Variants in PPP1R21 observed in about 807,000 individuals in gnomAD.
PPP1R21 encodes the protein KLRAQ motif containing 1.
PPP1R21 carries 85 observed loss-of-function variants against 112.8 expected under a neutral mutation model. That is an observed-to-expected ratio of 0.75 (90% CI 0.63 to 0.90). PPP1R21 has a LOEUF of 0.90. Ranked by LOEUF, PPP1R21 falls within the 40% of genes least tolerant of loss-of-function variation. PPP1R21 has a pLI of 0.00. For synonymous variants in PPP1R21, 381 were observed against 322.3 expected, an observed-to-expected ratio of 1.18 and a Z score of -1.95; for missense variants, 1,199 against 901.5, an observed-to-expected ratio of 1.33 and a Z score of -4.23.
At chr2:48,458,031 G>A in intron 3 of PPP1R21, 95 bp from the exon 4 acceptor site, 1 of 820,558 alleles carries the variant, frequency 1.2e-6, no homozygotes, top group Non-Finnish European at 2.1e-6. Flanking sequence ...ACACATAGAA[G>A]AGACAAGCTT....
At position 48,469,502 on chromosome 2, in the gene PPP1R21, T is replaced by TAG. The variant is rs200928720; in HGVS notation, c.898-1584_898-1583insGA. Among the ~76,000 whole-genome samples, 6 of 43,444 alleles carry TAG rather than the reference T, an allele frequency of 1.4e-4. 1 individual carries two copies. Among genetic ancestry groups the TAG allele is most frequent in the East Asian group, 6.3e-4 (2 of 3,170 alleles). The allele number at this position is 43,444 out of a possible 152,430, so 28.5% of individuals were successfully genotyped here. On this transcript the variant is annotated intron_variant, in intron 9 of 21. Coordinates refer to ENST00000294952, the MANE Select transcript of PPP1R21 (RefSeq NM_001135629.3). ...TATATATAGAGCATATATATATATA[T>TAG]ATAGAGCATATATATATATATATAT... is the stretch of plus-strand genomic sequence containing the variant.
intron 9 of PPP1R21, among the ~76,000 whole-genome samples, chr2:48,468,792 G>A (rs1413856842): frequency 6.6e-6 from 1 of 151,910 alleles, no homozygotes; most frequent in Non-Finnish European, 1.5e-5. Context: ...TCCAGCTTGG[G>A]CAACAGAGTG....
At chr2:48,479,683 TAAC>T (rs1363039299) in intron 12 of PPP1R21, 5 of 611,700 alleles carry the variant, frequency 8.2e-6, no homozygotes, top group Non-Finnish European at 1.5e-5. Context: ...TAATCCTGCT[TAAC>T]AACTGAATTT....
rs373112889 is a variant in PPP1R21 at position 48,465,538 on chromosome 2, G to A, written c.793G>A (p.Asp265Asn). 1 of 1,613,902 alleles carries A rather than the reference G, an allele frequency of 6.2e-7. No individual in the cohort carries two copies. Among genetic ancestry groups the A allele is most frequent in the East Asian group, 2.2e-5 (1 of 44,866 alleles). ...TGGGCAGGCCCTGGCTTTTGTTCAG[G>A]ATCTTGTGACGGCTCTTCTAAACTT... is the stretch of plus-strand genomic sequence containing the variant. ...IAGQALAFVQ[D>N]LVTALLNFHT... is the part of the protein sequence containing the mutation. Residue 265 changes from aspartate to asparagine, a missense_variant, in exon 9 of 22, where the codon GAT (aspartate) becomes AAT (asparagine). By Grantham distance (23) the Asp-to-Asn change is conservative. Coordinates refer to ENST00000294952, the MANE Select transcript of PPP1R21 (RefSeq NM_001135629.3).
At position 48,459,870 on chromosome 2, in the gene PPP1R21, G is replaced by A; in HGVS notation, c.492G>A (p.Lys164=). 1.2e-6 allele frequency: 2 copies of A among 1,614,212 alleles called. No homozygotes were observed. The highest frequency in any genetic ancestry group is 1.7e-6 in the Non-Finnish European group (2 of 1,180,036). Residue 164 remains lysine (K), a synonymous_variant, in exon 5 of 22, where the codon AAG becomes AAA. Coordinates refer to ENST00000294952, the MANE Select transcript of PPP1R21 (RefSeq NM_001135629.3). ...CTGTGGTTGACGGTCTCACCCGGAAGTACATGGAAACCATTGAGAAGCTGC... is the reference window on the plus strand; with the variant it reads ...CTGTGGTTGACGGTCTCACCCGGAAATACATGGAAACCATTGAGAAGCTGC... ...HQAVVDGLTR[K]YMETIEKLQN... is the part of the protein sequence containing the mutation.
In PPP1R21 at chr2:48,469,301, A is replaced by G. The variant is rs987565534; in HGVS notation, c.898-1786A>G. Among the ~76,000 whole-genome samples, 360 of 105,034 alleles carry G rather than the reference A, an allele frequency of 3.4e-3. 15 individuals carry two copies. The highest frequency in any genetic ancestry group is 6.3e-3 in the African/African-American group (152 of 23,992). 68.9% of individuals were successfully genotyped at this position (105,034 alleles called of 152,430 possible). ...TGTGTGTGTGTGTGTGTGTGTATGT[A>G]TATATATACACACACACACATATAT... is the stretch of plus-strand genomic sequence containing the variant. On this transcript the variant is annotated intron_variant, in intron 9 of 21. Transcript: ENST00000294952.
In PPP1R21 at chr2:48,498,723, G is replaced by C. The variant is rs774041318; in HGVS notation, c.1923G>C (p.Gln641His). The C allele has an allele frequency of 1.2e-6, 2 of 1,614,164 alleles. No individual in the cohort carries two copies. The highest frequency in any genetic ancestry group is 4.5e-5 in the East Asian group (2 of 44,878). Reference sequence around the variant, plus strand: ...CTAAGGCTGTGTTGGAGCCCATTCAGAGCACCAGTCTAGTAAGTGTCTTCT... The same window carrying C: ...CTAAGGCTGTGTTGGAGCCCATTCACAGCACCAGTCTAGTAAGTGTCTTCT... ...ATAKAVLEPIQSTSLIGTLTR... is the reference protein window; with the variant it reads ...ATAKAVLEPIHSTSLIGTLTR... The change falls in exon 17 of 22, where the codon CAG (glutamine) becomes CAC (histidine). Residue 641 changes from glutamine (Q) to histidine (H), a missense_variant. By Grantham distance (24) the Gln-to-His change is conservative. Transcript: ENST00000294952.
At chr2:48,476,208 GTA>G (rs1668748714) in intron 12 of PPP1R21, among the ~76,000 whole-genome samples, 1 of 152,126 alleles carries the variant, frequency 6.6e-6, no homozygotes, top group Admixed American at 6.5e-5. Context: ...GAATAATATG[GTA>G]TGTGGTCTTT....
rs371337442 is a variant in PPP1R21 at position 48,465,042 on chromosome 2, C to G, written c.747+53C>G. ...TTCAGTTATATATACATCAGACTTT[C>G]CAGAAACAAGAATTAGTTGTGTTTG... is the stretch of plus-strand genomic sequence containing the variant. On this transcript the variant is annotated intron_variant, in intron 8 of 21. Transcript: ENST00000294952. 3.6e-6 allele frequency: 5 copies of G among 1,404,702 alleles called. No individual in the cohort carries two copies. In the African/African-American group the frequency reaches 4.5e-5, roughly 13 times the overall value. The allele number at this position is 1,404,702 out of a possible 1,614,324, so 87.0% of individuals were successfully genotyped here.
intron 19 of PPP1R21, among the ~76,000 whole-genome samples, chr2:48,508,275 C>G (rs1435565252): frequency 6.6e-6 from 1 of 152,048 alleles, no homozygotes; most frequent in Admixed American, 6.6e-5. Context: ...ATTAAAAAGT[C>G]AGTTATGGAT....
At chr2:48,510,583 C>T (rs941877991) in intron 20 of PPP1R21, among the ~76,000 whole-genome samples, 3 of 152,232 alleles carry the variant, frequency 2.0e-5, no homozygotes, top group Admixed American at 6.5e-5. Flanking sequence ...GGAAAAAACA[C>T]AGCACTACAG....
intron 1 of PPP1R21, among the ~76,000 whole-genome samples, chr2:48,449,828 T>C (rs1020987978): frequency 6.6e-6 from 1 of 152,070 alleles, no homozygotes; most frequent in African/African-American, 2.4e-5. Flanking sequence ...GAGAAGAACC[T>C]GGTCTTTCAT....
rs745866100 is a variant in PPP1R21, at chr2:48,469,261, T to TTGTGTGTGTGTG, written c.898-1802_898-1791dup. Among the ~76,000 whole-genome samples the TTGTGTGTGTGTG allele has an allele frequency of 1.7e-3, 80 of 46,228 alleles. 1 individual carries two copies. The highest frequency in any genetic ancestry group is 2.9e-3 in the Non-Finnish European group (63 of 21,656). 30.3% of individuals were successfully genotyped at this position (46,228 alleles called of 152,430 possible). ...GCCAAACCATATCAATATATTTGAATTGTGTGTGTGTGTGTGTGTGTGTGT... is the reference window on the plus strand; with the variant it reads ...GCCAAACCATATCAATATATTTGAATTGTGTGTGTGTGTGTGTGTGTGTGTGTGTGTGTGTGT... On this transcript the variant is annotated intron_variant, in intron 9 of 21. Transcript: ENST00000294952.
chr2:48,486,717 A>G lies in PPP1R21; in HGVS notation c.1405A>G (p.Ile469Val), dbSNP rs746239216. 2.5e-6 allele frequency: 4 copies of G among 1,613,970 alleles called. No homozygotes were observed. Among genetic ancestry groups the G allele is most frequent in the African/African-American group, 2.7e-5 (2 of 74,932 alleles). The part of the protein sequence containing the change: ...TQKLITTNDC[I>V]LSSVVALTNG... ...GAAGCTGATAACAACTAATGACTGT[A>G]TCCTGTCATCAGTAGTGGCATTAAC... Residue 469 changes from isoleucine to valine, a missense_variant, in exon 14 of 22, where the codon ATC becomes GTC. Physicochemically the swap from Ile to Val is conservative, Grantham distance 29 (BLOSUM62 3). Transcript: ENST00000294952.
chr2:48,464,967 C>A lies in PPP1R21; in HGVS notation c.725C>A (p.Pro242Gln). The A allele has an allele frequency of 6.4e-7, 1 of 1,559,330 alleles. No homozygotes were observed. Among genetic ancestry groups the A allele is most frequent in the Non-Finnish European group, 8.6e-7 (1 of 1,162,842 alleles). Residue 242 changes from proline to glutamine, a missense_variant, in exon 8 of 22, where the codon CCA (proline) becomes CAA (glutamine). Pro to Gln is a moderately conservative substitution (Grantham distance 76). Coordinates refer to ENST00000294952, the MANE Select transcript of PPP1R21 (RefSeq NM_001135629.3). ...KYSQYNALNVPLHNRRHQLKM... is the reference protein window; with the variant it reads ...KYSQYNALNVQLHNRRHQLKM... ...AGTCAGTACAACGCTCTGAACGTTC[C>A]ACTCCACAATAGGAGACACCAGGTA...
chr2:48,513,254 GAGTGC>G (rs760064409), intron 21 of PPP1R21, among the ~76,000 whole-genome samples: 1 of 151,864 alleles, frequency 6.6e-6, no homozygotes, highest in Non-Finnish European at 1.5e-5. Flanking sequence ...ACCCAGGCTG[GAGTGC>G]AGTGGTGAGA....
In PPP1R21 at chr2:48,505,657, A is replaced by G. The variant is rs376075636; in HGVS notation, c.1968+61A>G. ...AATATCTGGCAGCATGTTTGTTGAC[A>G]AAGTCCTGCAAAAGCCATCTTTGTC... On this transcript the variant is annotated intron_variant, in intron 18 of 21. Transcript: ENST00000294952. The G allele has an allele frequency of 1.1e-5, 15 of 1,341,426 alleles. No homozygotes were observed. The African/African-American group carries it at 2.0e-4, about 18-fold the overall frequency. The allele number at this position is 1,341,426 out of a possible 1,614,324, so 83.1% of individuals were successfully genotyped here. A position where few individuals can be genotyped will look rare whatever the true frequency, so the allele number is the denominator to read the frequency against.
intron 17 of PPP1R21, among the ~76,000 whole-genome samples, chr2:48,499,381 G>T (rs948365749): frequency 6.6e-6 from 1 of 152,106 alleles, no homozygotes. Flanking sequence ...GTAATATGGG[G>T]TTATTATGTT....
chr2:48,465,105 G>A, intron 8 of PPP1R21, 116 bp downstream of exon 8: 1 of 776,570 alleles, frequency 1.3e-6, no homozygotes, highest in Admixed American at 3.2e-5. Context: ...GCATTTAACT[G>A]TTGCTTTACG....
Sources: allele counts gnomAD v4.1 joint callset (sites outside exome capture counted in the v4.1 genomes callset), GRCh38; gene constraint gnomAD v4.1.1; transcripts MANE v1.5; gene names NCBI Gene and HGNC (gene_info 2026-07-23, HGNC 2026-07-21).